The following TRPM1 variants were observed in gnomAD, a reference collection of about 807,000 sequenced individuals.
TRPM1 encodes the protein TRPM1-203 APA Isoform, Intron 10.
In TRPM1, 113 loss-of-function variants were observed where a neutral mutation model predicts 149.4. The ratio of observed to expected loss-of-function variants is 0.76; its 90% CI spans 0.65 to 0.88. The LOEUF is 0.88. TRPM1 is among the 40% of genes least tolerant of loss of function. The pLI is 0.00. For missense variants in TRPM1, 1,976 were observed against 2,038.7 expected, an observed-to-expected ratio of 0.97 and a Z score of 0.59; for synonymous variants, 741 against 759.5, an observed-to-expected ratio of 0.98 and a Z score of 0.40.
At chr15:31,070,314 G>T in intron 3 of TRPM1, 88 bp from the exon 4 acceptor site, 1 of 1,335,078 alleles carries the variant, frequency 7.5e-7, no homozygotes, top group Non-Finnish European at 1.1e-6. Context: ...CAACAGGTGA[G>T]TTGGGCCCAA....
intron 1 of TRPM1, among the ~76,000 whole-genome samples, chr15:31,132,039 TA>T (rs1358628137): frequency 6.6e-6 from 1 of 152,182 alleles, no homozygotes; most frequent in Non-Finnish European, 1.5e-5. Context: ...ATTAATCACA[TA>T]AAAGCAGATA....
At chr15:31,124,656 A>G (rs1236091608) in intron 1 of TRPM1, among the ~76,000 whole-genome samples, 1 of 36,032 alleles carries the variant, frequency 2.8e-5, no homozygotes, top group South Asian at 5.7e-4. Flanking sequence ...CTCTGTCTCA[A>G]AAAAAAAAAA....
intron 1 of TRPM1, among the ~76,000 whole-genome samples, chr15:31,094,273 T>G (rs2035318056): frequency 6.6e-6 from 1 of 152,198 alleles, no homozygotes; most frequent in Non-Finnish European, 1.5e-5. Flanking sequence ...AAAATATATG[T>G]GTGAATTTTC....
intron 25 of TRPM1, among the ~76,000 whole-genome samples, chr15:31,027,677 C>T (rs1024975832): frequency 3.3e-5 from 5 of 152,232 alleles, no homozygotes; most frequent in Non-Finnish European, 7.3e-5. Flanking sequence ...GTTTTCTCAT[C>T]TCTCAAGCCA....
At position 31,048,406 on chromosome 15, in the gene TRPM1, A is replaced by G. The variant is rs1596016441; in HGVS notation, c.1573-467T>C. 4.6e-5 allele frequency among the ~76,000 whole-genome samples: 7 copies of G among 152,240 alleles called. No homozygotes were observed. In the South Asian group the frequency reaches 1.2e-3, roughly 27 times the overall value. On this transcript the variant is annotated intron_variant, in intron 13 of 27. Coordinates refer to ENST00000256552, the MANE Select transcript of TRPM1 (RefSeq NM_001252024.2). ...TTTCTTTTACAAAACAGAGCTGGTC[A>G]TGGTTAGAAAGTATCCAACACATTT...
chr15:31,134,945 G>T (rs1404118508), intron 1 of TRPM1, among the ~76,000 whole-genome samples: 1 of 152,124 alleles, frequency 6.6e-6, no homozygotes, highest in Non-Finnish European at 1.5e-5. Flanking sequence ...AGCGGAGGTT[G>T]CAGTGAGCCA....
At chr15:31,110,325 AAGAT>A (rs768765934) in intron 1 of TRPM1, among the ~76,000 whole-genome samples, 1 of 152,242 alleles carries the variant, frequency 6.6e-6, no homozygotes, top group Non-Finnish European at 1.5e-5. Context: ...GTCGTTGTAA[AAGAT>A]AATTACAAAA....
intron 19 of TRPM1, 39 bp downstream of exon 19, chr15:31,038,005 G>T (rs1379151733): frequency 1.2e-6 from 2 of 1,613,632 alleles, no homozygotes; most frequent in East Asian, 2.2e-5. Context: ...TTGAAAACAA[G>T]ATTACACTGA....
At chr15:31,156,308 T>C in intron 1 of TRPM1, among the ~76,000 whole-genome samples, 1 of 151,900 alleles carries the variant, frequency 6.6e-6, no homozygotes, top group African/African-American at 2.4e-5. Context: ...AATTTGCAGC[T>C]GTAAAGAGTT....
At chr15:31,063,785 T>C (rs1185170254) in intron 7 of TRPM1, among the ~76,000 whole-genome samples, 1 of 152,230 alleles carries the variant, frequency 6.6e-6, no homozygotes, top group Non-Finnish European at 1.5e-5. Context: ...TCACATATTA[T>C]GGCCTCATTG....
rs577513291 is a variant in TRPM1, at chr15:31,040,631, C to T, written c.2088-285G>A. ...CCCTCAGACCCCAGGGACATAGAGA[C>T]GAGAAGACAAAGTCCCTTCCCTCAA... On this transcript the variant is annotated intron_variant, in intron 17 of 27. Coordinates refer to ENST00000256552, the MANE Select transcript of TRPM1 (RefSeq NM_001252024.2). The surrounding 1 kb of genome is among the most constrained non-coding windows in gnomAD (Gnocchi z 4.2). Among the ~76,000 whole-genome samples the T allele has an allele frequency of 1.3e-5, 2 of 152,154 alleles. No homozygotes were observed. Among genetic ancestry groups the T allele is most frequent in the South Asian group, 2.1e-4 (1 of 4,834 alleles).
intron 4 of TRPM1, chr15:31,069,410 T>A: frequency 1.0e-6 from 1 of 997,000 alleles, no homozygotes. Flanking sequence ...AGCTAAATTT[T>A]ATTTTAACAA....
At chr15:31,161,160 G>T (rs535391445) in exon 1 of TRPM1, 2 of 585,462 alleles carry the variant, frequency 3.4e-6, no homozygotes, top group Non-Finnish European at 6.1e-6. Flanking sequence ...AGCCTAGGAG[G>T]AGCATGTGCT....
At position 31,060,418 on chromosome 15, in the gene TRPM1, T is replaced by C; in HGVS notation, c.1263+126A>G. ...GACATCTTCTAATGAGCCTAATAGA[T>C]TACATATCATATCATCAGAAACCCC... On this transcript the variant is annotated intron_variant, in intron 11 of 27. Transcript: ENST00000256552. The C allele has an allele frequency of 5.0e-6, 4 of 805,842 alleles. No individual in the cohort carries two copies. The East Asian group carries it at 8.0e-5, about 16-fold the overall frequency. 49.9% of individuals were successfully genotyped at this position (805,842 alleles called of 1,614,324 possible).
intron 11 of TRPM1, among the ~76,000 whole-genome samples, chr15:31,057,191 A>G (rs2034108146): frequency 6.6e-6 from 1 of 152,196 alleles, no homozygotes; most frequent in South Asian, 2.1e-4. Context: ...AATTAAGAGA[A>G]TAGATATGGC....
intron 1 of TRPM1, among the ~76,000 whole-genome samples, chr15:31,083,725 G>A (rs1179201684): frequency 1.3e-5 from 2 of 152,188 alleles, no homozygotes; most frequent in Non-Finnish European, 2.9e-5. Flanking sequence ...TTTCTGGGTG[G>A]TTCAGCTGAG....
intron 1 of TRPM1, among the ~76,000 whole-genome samples, chr15:31,084,734 C>A (rs545743925): frequency 2.7e-5 from 4 of 146,606 alleles, no homozygotes; most frequent in Non-Finnish European, 6.0e-5. Context: ...AGTGCAGTGG[C>A]GCGATCTTGG....
chr15:31,070,087 T>A lies in TRPM1; in HGVS notation c.223A>T (p.Thr75Ser). 1.9e-6 allele frequency: 3 copies of A among 1,614,148 alleles called. No homozygotes were observed. The highest frequency in any genetic ancestry group is 2.5e-6 in the Non-Finnish European group (3 of 1,180,020). The part of the protein sequence containing the change: ...SVAKHTQSYP[T>S]DSYGVLEFQG... ...AATTCAAGAACTCCATAGGAATCTGTTGGGTAGCTCTGGGTGTGCTTGGCA... is the reference window on the plus strand; with the variant it reads ...AATTCAAGAACTCCATAGGAATCTGATGGGTAGCTCTGGGTGTGCTTGGCA... The change falls in exon 4 of 28, where the codon ACA (threonine) becomes TCA (serine). Residue 75 changes from threonine (T) to serine (S), a missense_variant. By Grantham distance (58) the Thr-to-Ser change is moderately conservative. Transcript: ENST00000256552.
At position 31,002,938 on chromosome 15, in the gene TRPM1, T is replaced by G; in HGVS notation, c.3762A>C (p.Glu1254Asp). ...ELSNRMVNAL[E>D]NLAGIDRSDL... ...CAGACCTGTCGATTCCCGCAAGATT[T>G]TCAAGAGCATTCACCATTCTGTTAG... is the stretch of plus-strand genomic sequence containing the variant. Residue 1254 changes from glutamate to aspartate, a missense_variant, in exon 28 of 28, where the codon GAA becomes GAC. Physicochemically the swap from Glu to Asp is conservative, Grantham distance 45. This residue lies in a region of TRPM1 where 572 missense variants were observed against 578.9 expected (regional missense o/e 0.99). Coordinates refer to ENST00000256552, the MANE Select transcript of TRPM1 (RefSeq NM_001252024.2). The G allele has an allele frequency of 6.2e-7, 1 of 1,602,402 alleles. No homozygotes were observed. Among genetic ancestry groups the G allele is most frequent in the Non-Finnish European group, 8.5e-7 (1 of 1,172,576 alleles).
Sources: allele counts gnomAD v4.1 joint callset (sites outside exome capture counted in the v4.1 genomes callset), GRCh38; gene constraint gnomAD v4.1.1; regional missense constraint gnomAD v4.1.1; non-coding constraint Gnocchi (gnomAD v3.1); transcripts MANE v1.5; gene names NCBI Gene and HGNC (gene_info 2026-07-23, HGNC 2026-07-21).